The following EVA1C variants were observed in gnomAD, a reference collection of about 807,000 sequenced individuals.
EVA1C encodes protein eva-1 homolog C.
In EVA1C, 25 loss-of-function variants were observed where a neutral mutation model predicts 45.4. The ratio of observed to expected loss-of-function variants is 0.55; its 90% CI spans 0.40 to 0.77. EVA1C has a LOEUF of 0.77. Among genes scored for constraint, EVA1C ranks in the 30% least tolerant of loss-of-function variants. EVA1C has a pLI of 0.00. For missense variants in EVA1C, 479 were observed against 554.8 expected (o/e 0.86, Z 1.37); for synonymous variants, 190 against 221.2 (o/e 0.86, Z 1.25).
chr21:32,412,044 GC>G (rs899390294), upstream of EVA1C: 35 of 152,392 alleles, frequency 2.3e-4, no homozygotes, highest in African/African-American at 7.9e-4. Context: ...CGGACAACCA[GC>G]ACCCAAAGGA....
intron 1 of EVA1C, among the ~76,000 whole-genome samples, chr21:32,437,512 A>C (rs2035005359): frequency 6.6e-6 from 1 of 152,168 alleles, no homozygotes; most frequent in African/African-American, 2.4e-5. Flanking sequence ...TAGCTCCCGC[A>C]TCCCTTCAGG....
chr21:32,421,732 G>A (rs928364691), intron 1 of EVA1C, among the ~76,000 whole-genome samples: 21 of 152,116 alleles, frequency 1.4e-4, no homozygotes, highest in Non-Finnish European at 1.9e-4. Flanking sequence ...GCAATGACAC[G>A]GTTCTTAAGT....
intron 4 of EVA1C, among the ~76,000 whole-genome samples, chr21:32,470,680 T>C (rs548297047): frequency 2.6e-5 from 4 of 152,186 alleles, no homozygotes; most frequent in Admixed American, 6.5e-5. Context: ...GCTGGGCCAC[T>C]GTAGCCATCT....
At chr21:32,456,219 G>A (rs529354667) in intron 2 of EVA1C, among the ~76,000 whole-genome samples, 40 of 152,238 alleles carry the variant, frequency 2.6e-4, no homozygotes, top group Non-Finnish European at 5.4e-4. Context: ...AGCTGCACTC[G>A]GAGCACAGGC....
At chr21:32,461,457 C>T (rs944579809) in intron 3 of EVA1C, among the ~76,000 whole-genome samples, 1 of 152,192 alleles carries the variant, frequency 6.6e-6, no homozygotes, top group African/African-American at 2.4e-5. Flanking sequence ...AGATTGTCTC[C>T]ACACCTTCCT....
chr21:32,424,957 A>G (rs2034431369), intron 1 of EVA1C, among the ~76,000 whole-genome samples: 1 of 152,050 alleles, frequency 6.6e-6, no homozygotes, highest in Non-Finnish European at 1.5e-5. Context: ...CCTGGGCTCA[A>G]CAGCTCCTCC....
At chr21:32,502,040 CTT>C (rs199554254) in intron 6 of EVA1C, among the ~76,000 whole-genome samples, 1 of 101,556 alleles carries the variant, frequency 9.8e-6, no homozygotes, top group African/African-American at 3.9e-5. Flanking sequence ...TTCTTTCTTT[CTT>C]TCTTTCTTTC....
chr21:32,453,219 C>T (rs937414255), intron 1 of EVA1C, 93 bp from the exon 2 acceptor site: 8 of 867,602 alleles, frequency 9.2e-6, no homozygotes, highest in African/African-American at 3.4e-5. Context: ...TTGAACAGCC[C>T]TTCCCCAGGG....
rs1869579326 is a variant in EVA1C, at chr21:32,474,718, C to G, written c.634+6870C>G. Among the ~76,000 whole-genome samples the G allele has an allele frequency of 6.6e-6, 1 of 152,234 alleles. No homozygotes were observed. Among genetic ancestry groups the G allele is most frequent in the South Asian group, 2.1e-4 (1 of 4,832 alleles). ...GGCACAGGAATGAATCAGAGCCCCT[C>G]TGAAGTGAGGTGCCCACACTCGGCT... On this transcript the variant is annotated intron_variant, in intron 4 of 7. Coordinates refer to ENST00000300255, the MANE Select transcript of EVA1C (RefSeq NM_058187.5). The surrounding 1 kb of genome is among the most constrained non-coding windows in gnomAD (Gnocchi z 4.4).
At chr21:32,490,743 G>A (rs1191752039) in intron 4 of EVA1C, among the ~76,000 whole-genome samples, 1 of 152,108 alleles carries the variant, frequency 6.6e-6, no homozygotes, top group Non-Finnish European at 1.5e-5. Context: ...TCTCACAGCT[G>A]TGGGTTCTCA....
At position 32,474,362 on chromosome 21, in the gene EVA1C, T is replaced by C. The variant is rs187226495; in HGVS notation, c.634+6514T>C. Among the ~76,000 whole-genome samples the C allele has an allele frequency of 1.3e-5, 2 of 152,314 alleles. No individual in the cohort carries two copies. The highest frequency in any genetic ancestry group is 6.5e-5 in the Admixed American group (1 of 15,302). On this transcript the variant is annotated intron_variant, in intron 4 of 7. Transcript: ENST00000300255. This position sits in a 1 kb window ranked among gnomAD's most constrained non-coding sequence, Gnocchi z 4.4. ...CTACCTCTGGAGCACTCCACCTTTATTCATACCCCTGGGCCTTTGCACAAG... is the reference window on the plus strand; with the variant it reads ...CTACCTCTGGAGCACTCCACCTTTACTCATACCCCTGGGCCTTTGCACAAG...
chr21:32,432,840 C>T (rs1189708072), intron 1 of EVA1C, among the ~76,000 whole-genome samples: 1 of 152,152 alleles, frequency 6.6e-6, no homozygotes. Flanking sequence ...CCTGCCTTAG[C>T]CTCCTGAGTA....
chr21:32,467,260 A>C (rs956714086), intron 3 of EVA1C, among the ~76,000 whole-genome samples: 1 of 152,164 alleles, frequency 6.6e-6, no homozygotes, highest in African/African-American at 2.4e-5. Context: ...AGAGAGAAAG[A>C]AGCTTAATGC....
intron 3 of EVA1C, among the ~76,000 whole-genome samples, chr21:32,458,132 G>A (rs2035857375): frequency 6.6e-6 from 1 of 152,112 alleles, no homozygotes; most frequent in African/African-American, 2.4e-5. Context: ...AGGCCCAGTG[G>A]CCCACTTGCC....
intron 1 of EVA1C, among the ~76,000 whole-genome samples, chr21:32,441,391 T>G (rs990185158): frequency 3.3e-5 from 5 of 152,072 alleles, no homozygotes; most frequent in African/African-American, 1.2e-4. Context: ...GGAGGAAGAC[T>G]GCTTCGGGCT....
intron 4 of EVA1C, among the ~76,000 whole-genome samples, chr21:32,484,543 C>CAA (rs1328368423): frequency 1.4e-4 from 18 of 128,884 alleles, no homozygotes; most frequent in East Asian, 1.1e-3. Context: ...GACTCCATCT[C>CAA]AAAAAAAAAA....
At chr21:32,464,270 G>C (rs1046235745) in intron 3 of EVA1C, among the ~76,000 whole-genome samples, 4 of 152,158 alleles carry the variant, frequency 2.6e-5, no homozygotes, top group African/African-American at 9.7e-5. Flanking sequence ...TCCTCGTGGA[G>C]GTTCTTCCTG....
chr21:32,425,739 C>A, intron 1 of EVA1C, among the ~76,000 whole-genome samples: 1 of 152,092 alleles, frequency 6.6e-6, no homozygotes, highest in East Asian at 1.9e-4. Context: ...GTGATTTTGT[C>A]CCTTGGGAAT....
At position 32,476,255 on chromosome 21, in the gene EVA1C, GTTTTTTGTTTT is replaced by G. The variant is rs555071141; in HGVS notation, c.634+8408_634+8418del. Among the ~76,000 whole-genome samples the G allele has an allele frequency of 1.9e-3, 296 of 151,932 alleles. 3 individuals are homozygous for G. Among genetic ancestry groups the G allele is most frequent in the African/African-American group, 6.8e-3 (282 of 41,412 alleles). On this transcript the variant is annotated intron_variant, in intron 4 of 7. Transcript: ENST00000300255. ...GCTGTAATTATCCCCCTATCCTCGGGTTTTTTGTTTTGTTTTGTTTTGTTTTTTGGCAGTTT... is the reference window on the plus strand; with the variant it reads ...GCTGTAATTATCCCCCTATCCTCGGGGTTTTGTTTTGTTTTTTGGCAGTTT...
Sources: allele counts gnomAD v4.1 joint callset (sites outside exome capture counted in the v4.1 genomes callset), GRCh38; gene constraint gnomAD v4.1.1; non-coding constraint Gnocchi (gnomAD v3.1); transcripts MANE v1.5; gene names NCBI Gene and HGNC (gene_info 2026-07-23, HGNC 2026-07-21).